Variants in LAMA4 observed in about 807,000 individuals in gnomAD.
LAMA4 encodes the protein laminin subunit alpha-4.
A neutral mutation model predicts 207.1 loss-of-function variants in LAMA4; 127 were observed. The ratio of observed to expected loss-of-function variants is 0.61; its 90% CI spans 0.53 to 0.71. The LOEUF (loss-of-function observed/expected upper bound fraction) is 0.71, where lower values mean the gene tolerates loss of function less well. LAMA4 is among the 30% of genes least tolerant of loss of function. LAMA4 has a pLI of 0.00. For missense variants in LAMA4, 2,093 were observed against 2,246.5 expected (o/e 0.93, Z 1.38); for synonymous variants, 761 against 816.0 (o/e 0.93, Z 1.15).
At chr6:112,210,782 T>C (rs923982235) in intron 3 of LAMA4, among the ~76,000 whole-genome samples, 6 of 152,206 alleles carry the variant, frequency 3.9e-5, no homozygotes, top group Non-Finnish European at 5.9e-5. Flanking sequence ...AGAATCCATC[T>C]TCTTCTATTA....
chr6:112,254,344 T>C (rs1299001700), intron 1 of LAMA4, 53 bp from the exon 2 acceptor site: 1 of 645,324 alleles, frequency 1.5e-6, no homozygotes, highest in Non-Finnish European at 2.7e-6. Flanking sequence ...AGCCTCTCTC[T>C]CCCTCTCTCT....
At chr6:112,148,097 T>A in intron 18 of LAMA4, 60 bp downstream of exon 18, 1 of 1,474,892 alleles carries the variant, frequency 6.8e-7, no homozygotes, top group Non-Finnish European at 9.5e-7. Flanking sequence ...ACAAAAGATG[T>A]ATAGAGTTTA....
intron 4 of LAMA4, among the ~76,000 whole-genome samples, chr6:112,204,645 G>C (rs554004383): frequency 1.1e-4 from 17 of 150,592 alleles, no homozygotes; most frequent in Non-Finnish European, 2.5e-4. Flanking sequence ...TATCTCACCA[G>C]ACGTGATTAA....
At chr6:112,140,365 A>T (rs1033862577) in intron 22 of LAMA4, among the ~76,000 whole-genome samples, 34 of 152,254 alleles carry the variant, frequency 2.2e-4, no homozygotes, top group African/African-American at 5.8e-4. Flanking sequence ...CTCATCCCAG[A>T]TACTTTATTT....
At chr6:112,222,010 G>T (rs1008934320) in intron 2 of LAMA4, among the ~76,000 whole-genome samples, 3 of 152,114 alleles carry the variant, frequency 2.0e-5, no homozygotes, top group African/African-American at 7.2e-5. Context: ...TTAAGCTTTT[G>T]CTAACTTTTG....
At chr6:112,170,848 T>C (rs574712169) in intron 12 of LAMA4, among the ~76,000 whole-genome samples, 4 of 152,328 alleles carry the variant, frequency 2.6e-5, no homozygotes, top group South Asian at 4.1e-4. Context: ...GAGGAAGTAA[T>C]GCCTGAGGTA....
At chr6:112,142,919 A>G (rs1245566568) in intron 19 of LAMA4, among the ~76,000 whole-genome samples, 1 of 152,210 alleles carries the variant, frequency 6.6e-6, no homozygotes, top group Non-Finnish European at 1.5e-5. Flanking sequence ...TACGATAACT[A>G]TAAAGTGCTT....
intron 2 of LAMA4, among the ~76,000 whole-genome samples, chr6:112,223,271 C>T (rs566013045): frequency 2.0e-5 from 3 of 152,154 alleles, no homozygotes; most frequent in East Asian, 3.9e-4. Context: ...GGAAGAGATG[C>T]GGCACACAAG....
chr6:112,191,953 T>A, intron 5 of LAMA4, 103 bp from the exon 6 acceptor site: 1 of 982,524 alleles, frequency 1.0e-6, no homozygotes, highest in Non-Finnish European at 1.6e-6. Flanking sequence ...ATTTATTGAT[T>A]TCCCTCCCAG....
chr6:112,215,867 AG>A (rs1554358466), intron 3 of LAMA4, among the ~76,000 whole-genome samples: 2 of 152,226 alleles, frequency 1.3e-5, no homozygotes, highest in African/African-American at 4.8e-5. Flanking sequence ...AAAGACCACA[AG>A]GGCAAAGCTT....
At chr6:112,159,363 T>A (rs1306909648) in intron 13 of LAMA4, 4 of 169,440 alleles carry the variant, frequency 2.4e-5, no homozygotes, top group Non-Finnish European at 5.1e-5. Flanking sequence ...CTAATGGACA[T>A]CATTCAGTTT....
intron 2 of LAMA4, among the ~76,000 whole-genome samples, chr6:112,249,982 T>A (rs1554189439): frequency 6.6e-6 from 1 of 152,208 alleles, no homozygotes; most frequent in Non-Finnish European, 1.5e-5. Context: ...ATTTTTTTTC[T>A]CTCTTCAATT....
intron 29 of LAMA4, 87 bp from the exon 30 acceptor site, chr6:112,130,127 G>T: frequency 9.3e-7 from 1 of 1,078,414 alleles, no homozygotes; most frequent in Non-Finnish European, 1.4e-6. Context: ...GTTTTCTCAT[G>T]AAATTGAAAT....
chr6:112,172,945 C>T, intron 11 of LAMA4, 141 bp from the exon 12 acceptor site: 1 of 683,602 alleles, frequency 1.5e-6, no homozygotes, highest in South Asian at 1.6e-5. Context: ...ACAAAATTAG[C>T]TCCACCTTTT....
intron 2 of LAMA4, chr6:112,237,030 G>A (rs935656087): frequency 2.0e-5 from 3 of 152,184 alleles, no homozygotes; most frequent in Non-Finnish European, 2.9e-5. Flanking sequence ...AAGATCAAAT[G>A]ATAGTGGTTA....
At position 112,141,379 on chromosome 6, in the gene LAMA4, A is replaced by C; in HGVS notation, c.2792T>G (p.Phe931Cys). ...SKPVSSWPAY[F>C]SIVKIERVGK... ...GTACCTTTCAATCTTGACAATGCTG[A>C]AGTAAGCAGGCCAGGAACTGACGGG... Residue 931 changes from phenylalanine to cysteine, a missense_variant, in exon 21 of 39, where the codon TTC (phenylalanine) becomes TGC (cysteine). Coordinates refer to ENST00000230538, the MANE Select transcript of LAMA4 (RefSeq NM_001105206.3). 6.2e-7 allele frequency: 1 copy of C among 1,614,164 alleles called. No homozygotes were observed. The highest frequency in any genetic ancestry group is 1.6e-4 in the Middle Eastern group (1 of 6,062).
At chr6:112,138,775 G>T (rs1779506273) in intron 24 of LAMA4, among the ~76,000 whole-genome samples, 1 of 152,070 alleles carries the variant, frequency 6.6e-6, no homozygotes, top group South Asian at 2.1e-4. Context: ...TACAAAGCAT[G>T]CAAGCTTTGC....
chr6:112,148,393 A>T, intron 17 of LAMA4, 57 bp from the exon 18 acceptor site: 1 of 1,565,056 alleles, frequency 6.4e-7, no homozygotes, highest in Non-Finnish European at 8.8e-7. Flanking sequence ...TTTGTTGGGG[A>T]ACATTAACAC....
chr6:112,154,097 T>C (rs999593658), intron 16 of LAMA4, among the ~76,000 whole-genome samples: 27 of 152,174 alleles, frequency 1.8e-4, no homozygotes, highest in African/African-American at 6.3e-4. Flanking sequence ...TTAGTCAATG[T>C]TCAAAAATCC....
Sources: allele counts gnomAD v4.1 joint callset (sites outside exome capture counted in the v4.1 genomes callset), GRCh38; gene constraint gnomAD v4.1.1; transcripts MANE v1.5; gene names NCBI Gene and HGNC (gene_info 2026-07-23, HGNC 2026-07-21).